GART: variants seen among roughly 807,000 people sequenced by gnomAD.
The protein encoded by GART is phosphoribosylglycinamide formyltransferase, phosphoribosylglycinamide synthetase, phosphoribosylaminoimidazole synthetase, also known as trifunctional purine biosynthetic protein adenosine-3.
A neutral mutation model predicts 107.2 loss-of-function variants in GART; 43 were observed. That is an observed-to-expected ratio of 0.40 (90% CI 0.31 to 0.52). GART has a LOEUF of 0.52. Among genes scored for constraint, GART ranks in the 20% least tolerant of loss-of-function variants. GART has a pLI of 0.52. For missense variants in GART, 1,107 were observed against 1,206.5 expected (o/e 0.92, Z 1.22); for synonymous variants, 434 against 427.0 (o/e 1.02, Z -0.20).
At chr21:33,532,310 T>C (rs2085207182) in intron 5 of GART, 35 bp downstream of exon 5, 2 of 1,463,150 alleles carry the variant, frequency 1.4e-6, no homozygotes, top group African/African-American at 1.4e-5. Flanking sequence ...TCAGTATGAA[T>C]AGAAAAGTAA....
upstream of GART, chr21:33,542,608 G>GA (rs2085472910): frequency 6.3e-6 from 1 of 157,858 alleles, no homozygotes; most frequent in South Asian, 1.6e-4. Flanking sequence ...GGCGGGGGCT[G>GA]AAAAATTCTC....
At chr21:33,532,703 C>A (rs2085216175) in intron 4 of GART, among the ~76,000 whole-genome samples, 1 of 152,076 alleles carries the variant, frequency 6.6e-6, no homozygotes, top group Admixed American at 6.6e-5. Flanking sequence ...ATTACATAGG[C>A]AATATCTTTG....
At chr21:33,541,207 T>C (rs2085412097) in intron 1 of GART, among the ~76,000 whole-genome samples, 3 of 152,224 alleles carry the variant, frequency 2.0e-5, no homozygotes, top group African/African-American at 7.2e-5. Flanking sequence ...GGCAGTGGTG[T>C]GATCTCAGCT....
At chr21:33,531,892 T>G in intron 5 of GART, 1 of 283,252 alleles carries the variant, frequency 3.5e-6, no homozygotes, top group Non-Finnish European at 6.6e-6. Context: ...TATACATGTT[T>G]GGCTGTAATA....
At chr21:33,522,643 C>T (rs1403054142) in intron 11 of GART, among the ~76,000 whole-genome samples, 1 of 152,132 alleles carries the variant, frequency 6.6e-6, no homozygotes, top group Non-Finnish European at 1.5e-5. Context: ...ACATAAAATT[C>T]AGCATCTTAA....
At chr21:33,532,949 A>G (rs2085221498) in intron 4 of GART, among the ~76,000 whole-genome samples, 1 of 152,190 alleles carries the variant, frequency 6.6e-6, no homozygotes, top group African/African-American at 2.4e-5. Context: ...CTAGGAAATA[A>G]TAATATTCAG....
chr21:33,536,699 C>A (rs1003152439), intron 2 of GART, among the ~76,000 whole-genome samples: 4 of 152,110 alleles, frequency 2.6e-5, no homozygotes, highest in African/African-American at 9.7e-5. Context: ...TTAAGTAAAA[C>A]AGGGTTACCT....
intron 1 of GART, among the ~76,000 whole-genome samples, chr21:33,541,256 T>C (rs2085414398): frequency 6.6e-6 from 1 of 152,204 alleles, no homozygotes; most frequent in African/African-American, 2.4e-5. Context: ...GCGATTCTCT[T>C]GCCTCACAGC....
chr21:33,532,264 G>T (rs2085206447), intron 5 of GART, 81 bp downstream of exon 5: 3 of 958,420 alleles, frequency 3.1e-6, no homozygotes, highest in Non-Finnish European at 3.3e-6. Context: ...TTTCCTTATT[G>T]TGAGGAACAT....
At chr21:33,533,925 G>C (rs1217357657) in intron 4 of GART, among the ~76,000 whole-genome samples, 1 of 151,730 alleles carries the variant, frequency 6.6e-6, no homozygotes, top group East Asian at 1.9e-4. Context: ...GTGGTGGTGG[G>C]GGGCGGGGAA....
chr21:33,540,176 C>T (rs554965881), intron 1 of GART, among the ~76,000 whole-genome samples: 1 of 152,084 alleles, frequency 6.6e-6, no homozygotes, highest in African/African-American at 2.4e-5. Flanking sequence ...AAAGATAATA[C>T]GAAGATGAAT....
In GART at chr21:33,506,045, C is replaced by T; in HGVS notation, c.2512G>A (p.Asp838Asn). Residue 838 changes from aspartate (D) to asparagine (N), a missense_variant, in exon 19 of 22, where the codon GAT (aspartate) becomes AAT (asparagine). Physicochemically the swap from Asp to Asn is conservative, Grantham distance 23. Coordinates refer to ENST00000381815, the MANE Select transcript of GART (RefSeq NM_000819.5). Reference protein sequence around the residue: ...TREPNSSAQIDIVISNKAAVA... With the variant: ...TREPNSSAQINIVISNKAAVA... Reference sequence around the variant, plus strand: ...GCGGCTTTGTTGGAGATAACAATATCAATTTGTGCAGAGCTATTTGGTTCC... The same window carrying T: ...GCGGCTTTGTTGGAGATAACAATATTAATTTGTGCAGAGCTATTTGGTTCC... The T allele has an allele frequency of 1.2e-6, 2 of 1,614,122 alleles. No individual in the cohort carries two copies. Among genetic ancestry groups the T allele is most frequent in the African/African-American group, 1.3e-5 (1 of 75,038 alleles).
At chr21:33,530,311 ACAC>A (rs2085159923) in intron 7 of GART, among the ~76,000 whole-genome samples, 1 of 152,258 alleles carries the variant, frequency 6.6e-6, no homozygotes, top group African/African-American at 2.4e-5. Flanking sequence ...TATCACACAC[ACAC>A]AAGAAATTCT....
chr21:33,508,898 T>A (rs7277056), intron 18 of GART, among the ~76,000 whole-genome samples: 4,583 of 152,270 alleles, frequency 0.03, 235 homozygotes, highest in African/African-American at 0.11. Flanking sequence ...TGGTTTTCTG[T>A]TTCTGAGGCA....
Position 33,524,780 on chromosome 21 carries a change from G to C in GART, c.1287C>G (p.Leu429=). The C allele has an allele frequency of 1.2e-6, 2 of 1,614,206 alleles. No individual in the cohort carries two copies. Among genetic ancestry groups the C allele is most frequent in the South Asian group, 1.1e-5 (1 of 91,090 alleles). The part of the protein sequence containing the change: ...KDVGFRAIAF[L]QQPRSLTYKE... ...GCTTAGAGTTTTACCTGGGCTGCTG[G>C]AGGAAAGCTATGGCACGAAAGCCGA... The change falls in exon 11 of 22, where the codon CTC becomes CTG. Residue 429 remains leucine (L), a synonymous_variant. Coordinates refer to ENST00000381815, the MANE Select transcript of GART (RefSeq NM_000819.5).
upstream of GART, chr21:33,542,802 C>T: frequency 6.3e-6 from 3 of 477,720 alleles, no homozygotes; most frequent in South Asian, 5.0e-5. Context: ...CGGACACGGT[C>T]GCCTCAAGAG....
intron 1 of GART, among the ~76,000 whole-genome samples, chr21:33,539,815 C>G (rs1177856742): frequency 6.6e-6 from 1 of 152,072 alleles, no homozygotes; most frequent in Non-Finnish European, 1.5e-5. Context: ...AGAAATATGA[C>G]TGTCGTCATA....
At chr21:33,539,129 A>G in intron 2 of GART, 42 bp downstream of exon 2, 1 of 1,571,384 alleles carries the variant, frequency 6.4e-7, no homozygotes, top group East Asian at 2.2e-5. Flanking sequence ...TACCATTAAT[A>G]ACAAATAATA....
chr21:33,525,088 T>C (rs1199360385), intron 10 of GART, 88 bp from the exon 11 acceptor site: 2 of 1,439,310 alleles, frequency 1.4e-6, no homozygotes, highest in African/African-American at 1.4e-5. Flanking sequence ...AAGTTTCTTT[T>C]TTTTTTTTTT....
Sources: allele counts gnomAD v4.1 joint callset (sites outside exome capture counted in the v4.1 genomes callset), GRCh38; gene constraint gnomAD v4.1.1; transcripts MANE v1.5; gene names NCBI Gene and HGNC (gene_info 2026-07-23, HGNC 2026-07-21).